PTPRG: variants seen among roughly 807,000 people sequenced by gnomAD.
PTPRG encodes the protein receptor-type tyrosine-protein phosphatase gamma.
PTPRG carries 102 observed loss-of-function variants against 165.3 expected under a neutral mutation model. The observed-to-expected ratio is 0.62, with a 90% confidence interval of 0.53 to 0.73. PTPRG has a LOEUF of 0.73. Ranked by LOEUF, PTPRG falls within the 30% of genes least tolerant of loss-of-function variation. The pLI is 0.00. For missense variants in PTPRG, 1,866 were observed against 1,861.4 expected (o/e 1.00, Z -0.05); for synonymous variants, 675 against 669.5 (o/e 1.01, Z -0.13).
At chr3:62,261,429 A>G (rs1387076916) in intron 16 of PTPRG, among the ~76,000 whole-genome samples, 1 of 152,222 alleles carries the variant, frequency 6.6e-6, no homozygotes, top group Non-Finnish European at 1.5e-5. Context: ...TTTAGAGAAG[A>G]GCCAAAGGGC....
chr3:62,218,934 T>G lies in PTPRG; in HGVS notation c.2239T>G (p.Leu747Val). 1 of 1,614,172 alleles carries G rather than the reference T, an allele frequency of 6.2e-7. No individual in the cohort carries two copies. The highest frequency in any genetic ancestry group is 8.5e-7 in the Non-Finnish European group (1 of 1,179,996). Residue 747 changes from leucine (L) to valine (V), a missense_variant, in exon 13 of 30, where the codon TTG (leucine) becomes GTG (valine). Around this residue, in one of 3 missense-constraint regions of PTPRG, gnomAD observed 1,452 missense variants for 1,463.0 expected, o/e 0.99. Transcript: ENST00000474889. ...WIIPLIVVSA[L>V]TFVCLILLIA... ...CATCCCTCTGATTGTGGTATCAGCC[T>G]TGACCTTCGTGTGCCTCATCCTTCT... is the stretch of plus-strand genomic sequence containing the variant.
chr3:61,994,013 C>G (rs559428936), intron 3 of PTPRG, among the ~76,000 whole-genome samples: 1 of 152,174 alleles, frequency 6.6e-6, no homozygotes, highest in African/African-American at 2.4e-5. Flanking sequence ...GCCCACTTCT[C>G]GAAAGTTGTC....
In PTPRG at chr3:61,699,097, G is replaced by C. The variant is rs138255341; in HGVS notation, c.86-49781G>C. Among the ~76,000 whole-genome samples the C allele has an allele frequency of 5.2e-3, 793 of 152,136 alleles. 4 individuals carry two copies. Among genetic ancestry groups the C allele is most frequent in the African/African-American group, 0.016 (650 of 41,516 alleles). On this transcript the variant is annotated intron_variant, in intron 1 of 29. Transcript: ENST00000474889. Reference sequence around the variant, plus strand: ...ATCACGAGTTAATGGGTGCAGCACAGCAACATGGCACATGTATACATATGT... The same window carrying C: ...ATCACGAGTTAATGGGTGCAGCACACCAACATGGCACATGTATACATATGT...
At chr3:62,242,404 C>T (rs920000338) in intron 14 of PTPRG, among the ~76,000 whole-genome samples, 41 of 152,166 alleles carry the variant, frequency 2.7e-4, no homozygotes, top group African/African-American at 9.4e-4. Flanking sequence ...TAGTAACTGA[C>T]GTTCAAAATC....
At chr3:62,186,242 C>G (rs1345243659) in intron 8 of PTPRG, among the ~76,000 whole-genome samples, 1 of 152,170 alleles carries the variant, frequency 6.6e-6, no homozygotes, top group African/African-American at 2.4e-5. Context: ...TTTGAGGCTC[C>G]TGGCAGTGAC....
intron 12 of PTPRG, among the ~76,000 whole-genome samples, chr3:62,209,924 G>C (rs992882057): frequency 2.0e-5 from 3 of 152,198 alleles, no homozygotes; most frequent in African/African-American, 7.2e-5. Flanking sequence ...TAAGATTGGT[G>C]TACAACTTCT....
At chr3:62,072,607 A>ATGTGTGTGTG (rs1701245095) in intron 4 of PTPRG, among the ~76,000 whole-genome samples, 1 of 142,776 alleles carries the variant, frequency 7.0e-6, no homozygotes, top group African/African-American at 2.8e-5. Flanking sequence ...TTGAGAATAT[A>ATGTGTGTGTG]TATGTGTATG....
chr3:61,728,689 A>G (rs1026677707), intron 1 of PTPRG, among the ~76,000 whole-genome samples: 1 of 151,908 alleles, frequency 6.6e-6, no homozygotes, highest in Non-Finnish European at 1.5e-5. Flanking sequence ...TTTTTTTTGT[A>G]TCTTATTATT....
intron 8 of PTPRG, among the ~76,000 whole-genome samples, chr3:62,189,611 A>T (rs1048533133): frequency 7.3e-5 from 11 of 151,706 alleles, no homozygotes; most frequent in African/African-American, 2.7e-4. Flanking sequence ...TCTGCGTTTT[A>T]CCTCCTAACT....
chr3:62,190,320 T>G lies in PTPRG; in HGVS notation c.1034-1149T>G, dbSNP rs1699775842. ...GCAAGGCATTGTCTAGCTCAAGAGG[T>G]CATGGGTGCTGAGGGTGAGAACCCC... On this transcript the variant is annotated intron_variant, in intron 8 of 29. Coordinates refer to ENST00000474889, the MANE Select transcript of PTPRG (RefSeq NM_002841.4). This position sits in a 1 kb window ranked among gnomAD's most constrained non-coding sequence, Gnocchi z 5.2. 6.6e-6 allele frequency among the ~76,000 whole-genome samples: 1 copy of G among 152,000 alleles called. No individual in the cohort carries two copies. The highest frequency in any genetic ancestry group is 6.5e-5 in the Admixed American group (1 of 15,278).
chr3:61,771,612 A>G (rs2034209673), intron 2 of PTPRG, among the ~76,000 whole-genome samples: 1 of 152,190 alleles, frequency 6.6e-6, no homozygotes, highest in Non-Finnish European at 1.5e-5. Flanking sequence ...ATCTGAACCA[A>G]AAATAATTAT....
At chr3:61,872,133 A>G (rs545061617) in intron 2 of PTPRG, among the ~76,000 whole-genome samples, 106 of 152,294 alleles carry the variant, frequency 7.0e-4, no homozygotes, top group African/African-American at 2.3e-3. Flanking sequence ...GGCCAAATAA[A>G]TATATTTCCT....
Position 62,083,796 on chromosome 3 carries a change from A to C in PTPRG, c.615+5538A>C, listed in dbSNP as rs188767731. Among the ~76,000 whole-genome samples the C allele has an allele frequency of 5.9e-5, 9 of 152,216 alleles. No individual in the cohort carries two copies. The East Asian group carries it at 9.7e-4, about 16-fold the overall frequency. On this transcript the variant is annotated intron_variant, in intron 5 of 29. Coordinates refer to ENST00000474889, the MANE Select transcript of PTPRG (RefSeq NM_002841.4). ...TCTTCACCATTAAATGCTTTCATCT[A>C]CTTTCTCACTAGGACCAAAGTGTCT...
intron 2 of PTPRG, among the ~76,000 whole-genome samples, chr3:61,814,830 A>G (rs192808341): frequency 6.6e-6 from 1 of 151,546 alleles, no homozygotes; most frequent in South Asian, 2.1e-4. Flanking sequence ...TGTGCCAAGC[A>G]TATTGTTAAG....
chr3:61,892,269 C>T (rs1455579523), intron 2 of PTPRG, among the ~76,000 whole-genome samples: 1 of 152,172 alleles, frequency 6.6e-6, no homozygotes, highest in Non-Finnish European at 1.5e-5. Context: ...CTTTGTTGCC[C>T]AGGCTGGAGT....
At chr3:62,059,938 G>T (rs552677533) in intron 4 of PTPRG, among the ~76,000 whole-genome samples, 1 of 152,208 alleles carries the variant, frequency 6.6e-6, no homozygotes, top group East Asian at 1.9e-4. Flanking sequence ...GTTTCCTGAG[G>T]CCTCCCCAGC....
At chr3:62,077,157 T>A (rs1329689252) in intron 4 of PTPRG, among the ~76,000 whole-genome samples, 2 of 151,976 alleles carry the variant, frequency 1.3e-5, no homozygotes, top group African/African-American at 4.8e-5. Context: ...TCCCAGCTAC[T>A]CAGGAGGCTG....
At chr3:62,157,823 T>C (rs1039521201) in intron 7 of PTPRG, among the ~76,000 whole-genome samples, 1 of 152,208 alleles carries the variant, frequency 6.6e-6, no homozygotes, top group Non-Finnish European at 1.5e-5. Flanking sequence ...AAATAAAACA[T>C]ACCATTGATT....
chr3:61,983,170 C>T (rs1048251128), intron 2 of PTPRG, among the ~76,000 whole-genome samples: 18 of 152,128 alleles, frequency 1.2e-4, no homozygotes, highest in African/African-American at 1.7e-4. Flanking sequence ...TTCCATTTTT[C>T]GTGTACACAC....
Sources: gnomAD v4.1 joint callset for allele counts (sites outside exome capture counted in the v4.1 genomes callset) on GRCh38, gnomAD v4.1.1 for gene constraint, gnomAD v4.1.1 regional missense constraint, Gnocchi (gnomAD v3.1) non-coding constraint, MANE v1.5 for transcripts, NCBI Gene and HGNC (gene_info 2026-07-23, HGNC 2026-07-21) for gene names.